Variants in NCOA6 observed in about 807,000 individuals in gnomAD.
NCOA6 encodes nuclear receptor coactivator 6.
In NCOA6, 49 loss-of-function variants were observed where a neutral mutation model predicts 171.4. The ratio of observed to expected loss-of-function variants is 0.29; its 90% confidence interval spans 0.23 to 0.36. NCOA6 has a LOEUF of 0.36. Ranked by LOEUF, NCOA6 falls within the 10% of genes least tolerant of loss-of-function variation. The pLI, the probability that NCOA6 is intolerant of heterozygous loss-of-function variation, is 1.00. For synonymous variants in NCOA6, 910 were observed against 927.5 expected (o/e 0.98, Z 0.34); for missense variants, 2,248 against 2,554.5 (o/e 0.88, Z 2.59).
chr20:34,755,544 A>C (rs543015864), intron 7 of NCOA6, among the ~76,000 whole-genome samples: 1 of 152,184 alleles, frequency 6.6e-6, no homozygotes, highest in South Asian at 2.1e-4. Flanking sequence ...ATCTTTCTCA[A>C]GTATCAGTTC....
chr20:34,792,422 T>C, intron 2 of NCOA6, 28 bp downstream of exon 2: 1 of 397,728 alleles, frequency 2.5e-6, no homozygotes, highest in Non-Finnish European at 4.4e-6. Flanking sequence ...TTGGCTTTAT[T>C]AACTCTCTCG....
At chr20:34,818,999 TA>T (rs2078927009) in intron 1 of NCOA6, among the ~76,000 whole-genome samples, 1 of 152,230 alleles carries the variant, frequency 6.6e-6, no homozygotes, top group African/African-American at 2.4e-5. Context: ...GATGCCTAAA[TA>T]TTCAAGGAGC....
chr20:34,742,675 C>T lies in NCOA6; in HGVS notation c.3581G>A (p.Gly1194Asp). 6.2e-7 allele frequency: 1 copy of T among 1,614,092 alleles called. No homozygotes were observed. The highest frequency in any genetic ancestry group is 1.3e-5 in the African/African-American group (1 of 75,010). ...CGCAGCCACATTTGGGAAGTGGTGG[C>T]CGTGAGAGCTGGGCAGGGAATTTAC... ...PPVNSLPSSH[G>D]HHFPNVAAPT... The change falls in exon 11 of 15, where the codon GGC becomes GAC. Residue 1194 changes from glycine to aspartate, a missense_variant. Coordinates refer to ENST00000359003, the MANE Select transcript of NCOA6 (RefSeq NM_014071.5).
chr20:34,773,561 A>T (rs35507767), intron 4 of NCOA6, among the ~76,000 whole-genome samples: 126,713 of 150,660 alleles, frequency 0.84, 53,444 homozygotes, highest in Admixed American at 0.91. Flanking sequence ...ATTTTGCTCG[A>T]CACCCAGGCT....
chr20:34,747,818 G>T (rs1018141161), intron 9 of NCOA6, among the ~76,000 whole-genome samples: 14 of 152,158 alleles, frequency 9.2e-5, no homozygotes, highest in Admixed American at 2.6e-4. Context: ...TTTGCTCCTT[G>T]TAAGACTTCT....
chr20:34,715,925 G>A (rs1335933341), intron 14 of NCOA6, among the ~76,000 whole-genome samples: 3 of 152,182 alleles, frequency 2.0e-5, no homozygotes, highest in African/African-American at 2.4e-5. Flanking sequence ...GTTATATCAA[G>A]ATTGTGGAAG....
At chr20:34,768,719 T>C in intron 4 of NCOA6, 133 bp from the exon 5 acceptor site, 1 of 993,676 alleles carries the variant, frequency 1.0e-6, no homozygotes, top group Non-Finnish European at 1.5e-6. Flanking sequence ...AGAAAAATGG[T>C]GGGTTCAATG....
chr20:34,733,987 C>T (rs1308313696), intron 12 of NCOA6, among the ~76,000 whole-genome samples: 1 of 151,840 alleles, frequency 6.6e-6, no homozygotes, highest in Non-Finnish European at 1.5e-5. Flanking sequence ...GTCTCTGCTA[C>T]TTTGCTGGCT....
chr20:34,740,884 G>C lies in NCOA6; in HGVS notation c.5372C>G (p.Thr1791Arg). The C allele has an allele frequency of 3.1e-6, 5 of 1,614,246 alleles. No homozygotes were observed. The South Asian group carries it at 5.5e-5, about 18-fold the overall frequency. Reference protein sequence around the residue: ...QNTLPSSQSTTMVSPLLTNSP... With the variant: ...QNTLPSSQSTRMVSPLLTNSP... The stretch of plus-strand genomic sequence containing the variant: ...ATTGGTCAAAAGGGGAGAAACCATT[G>C]TGGTTGACTGTGAAGAGGGAAGAGT... The change falls in exon 11 of 15, where the codon ACA becomes AGA. Residue 1791 changes from threonine to arginine, a missense_variant. Physicochemically the swap from Thr to Arg is moderately conservative, Grantham distance 71. This residue lies in a region of NCOA6 where 884 missense variants were observed against 941.9 expected (regional missense o/e 0.94). Coordinates refer to ENST00000359003, the MANE Select transcript of NCOA6 (RefSeq NM_014071.5).
intron 14 of NCOA6, among the ~76,000 whole-genome samples, 185 bp from the exon 15 acceptor site, chr20:34,715,550 G>C (rs1425118647): frequency 6.6e-6 from 1 of 152,188 alleles, no homozygotes; most frequent in Non-Finnish European, 1.5e-5. Context: ...AGAGGGTGTG[G>C]TCCTGCATTG....
chr20:34,728,138 C>T (rs1042528334), intron 13 of NCOA6, among the ~76,000 whole-genome samples: 9 of 152,062 alleles, frequency 5.9e-5, no homozygotes, highest in Middle Eastern at 6.3e-3. Flanking sequence ...TTGCTATTAA[C>T]TCAAAATAGT....
chr20:34,758,143 T>A (rs756428512), intron 6 of NCOA6, 39 bp from the exon 7 acceptor site: 1 of 1,562,338 alleles, frequency 6.4e-7, no homozygotes, highest in Admixed American at 1.8e-5. Flanking sequence ...ATTAACCTAC[T>A]GCAATCTAGA....
chr20:34,818,078 T>C (rs1399567264), intron 1 of NCOA6, among the ~76,000 whole-genome samples: 2 of 152,238 alleles, frequency 1.3e-5, no homozygotes, highest in East Asian at 3.8e-4. Context: ...TTCTTCATTT[T>C]ATATGTAAAA....
intron 1 of NCOA6, among the ~76,000 whole-genome samples, chr20:34,810,076 C>T (rs909038191): frequency 1.2e-4 from 18 of 152,170 alleles, no homozygotes; most frequent in African/African-American, 4.3e-4. Flanking sequence ...TTTTGAAATA[C>T]CACAGTAGTG....
chr20:34,749,899 T>A lies in NCOA6; in HGVS notation c.2296A>T (p.Met766Leu), dbSNP rs148627295. 8.9e-5 allele frequency: 144 copies of A among 1,614,214 alleles called. No individual in the cohort carries two copies. The East Asian group carries it at 2.8e-3, about 31-fold the overall frequency. ...VQFTGQMSGQ[M>L]LPQQGPVNNS... ...TTCACAGGCCCTTGCTGGGGCAGCA[T>A]CTGTCCTGACATCTGTCCCGTAAAC... Residue 766 changes from methionine (M) to leucine (L), a missense_variant, in exon 9 of 15, where the codon ATG (methionine) becomes TTG (leucine). Physicochemically the swap from Met to Leu is conservative, Grantham distance 15. Around this residue, in one of 7 missense-constraint regions of NCOA6, gnomAD observed 987 missense variants for 1,104.7 expected, o/e 0.89. Coordinates refer to ENST00000359003, the MANE Select transcript of NCOA6 (RefSeq NM_014071.5).
intron 14 of NCOA6, among the ~76,000 whole-genome samples, chr20:34,717,403 T>C (rs567630559): frequency 6.6e-6 from 1 of 152,204 alleles, no homozygotes; most frequent in Non-Finnish European, 1.5e-5. Context: ...TGAGCCGAGA[T>C]TGCGCCATTG....
chr20:34,754,713 A>G lies in NCOA6; in HGVS notation c.1675+9T>C, dbSNP rs1020968418. The G allele has an allele frequency of 1.2e-6, 2 of 1,614,076 alleles. No homozygotes were observed. The highest frequency in any genetic ancestry group is 1.7e-6 in the Non-Finnish European group (2 of 1,180,036). On this transcript the variant is annotated intron_variant, in intron 8 of 14. Coordinates refer to ENST00000359003, the MANE Select transcript of NCOA6 (RefSeq NM_014071.5). ...TAAATGCTGGCTAAACAAATCACAG[A>G]AAACAAACCTGCATGCTGGACATTT...
At chr20:34,787,133 AAC>A (rs1275746560) in intron 2 of NCOA6, among the ~76,000 whole-genome samples, 11 of 151,740 alleles carry the variant, frequency 7.2e-5, no homozygotes, top group Admixed American at 6.6e-5. Context: ...AAAAAAAAAA[AAC>A]AACCCCATTA....
In NCOA6 at chr20:34,732,622, T is replaced by G. The variant is rs144208866; in HGVS notation, c.5963-27A>C. The G allele has an allele frequency of 2.2e-4, 347 of 1,605,742 alleles. 2 individuals are homozygous for G. In the African/African-American group the frequency reaches 4.2e-3, roughly 19 times the overall value. ...TGCAAAAAAATATAAAGGATAGAAA[T>G]GAAATGTGGGAGCTGCCACAGAGAG... On this transcript the variant is annotated intron_variant, in intron 12 of 14. Transcript: ENST00000359003.
Sources: gnomAD v4.1 joint callset for allele counts (sites outside exome capture counted in the v4.1 genomes callset) on GRCh38, gnomAD v4.1.1 for gene constraint, gnomAD v4.1.1 regional missense constraint, MANE v1.5 for transcripts, NCBI Gene and HGNC (gene_info 2026-07-23, HGNC 2026-07-21) for gene names.